Variants in PPP6R1 observed in about 807,000 individuals in gnomAD.
The protein encoded by PPP6R1 is protein phosphatase 6 regulatory subunit 1.
In PPP6R1, 39 loss-of-function variants were observed where a neutral mutation model predicts 104.6. The ratio of observed to expected loss-of-function variants is 0.37; its 90% CI spans 0.29 to 0.49. The LOEUF is 0.49. Among genes scored for constraint, PPP6R1 ranks in the 20% least tolerant of loss-of-function variants. The pLI, the probability that PPP6R1 is intolerant of heterozygous loss-of-function variation, is 0.98. For missense variants in PPP6R1, 1,181 were observed against 1,155.8 expected (o/e 1.02, Z -0.32); for synonymous variants, 549 against 479.0 (o/e 1.15, Z -1.91).
intron 1 of PPP6R1, among the ~76,000 whole-genome samples, chr19:55,252,962 CTA>C (rs2087565317): frequency 6.6e-6 from 1 of 152,224 alleles, no homozygotes; most frequent in Admixed American, 6.5e-5. Flanking sequence ...AGGCCTTGCA[CTA>C]TGTCCCAGCG....
intron 5 of PPP6R1, among the ~76,000 whole-genome samples, chr19:55,243,695 C>G (rs2087480510): frequency 6.6e-6 from 1 of 152,146 alleles, no homozygotes; most frequent in African/African-American, 2.4e-5. Flanking sequence ...TACATCACCC[C>G]AGGCTTGAGC....
At chr19:55,238,527 C>A (rs2087419684) in intron 15 of PPP6R1, among the ~76,000 whole-genome samples, 1 of 152,194 alleles carries the variant, frequency 6.6e-6, no homozygotes, top group Admixed American at 6.5e-5. Flanking sequence ...CAGAGTCTCG[C>A]TCTGTTGCCC....
In PPP6R1 at chr19:55,231,474, C is replaced by T. The variant is rs1399416582; in HGVS notation, c.2395G>A (p.Val799Ile). Residue 799 changes from valine to isoleucine, a missense_variant, in exon 21 of 24, where the codon GTT becomes ATT. This residue lies in a region of PPP6R1 where 1,042 missense variants were observed against 955.6 expected (regional missense o/e 1.09). Transcript: ENST00000412770. ...TEPSAPCQAL[V>I]SIGDLQATFH... Reference sequence around the variant, plus strand: ...GTGGCCTGAAGGTCCCCGATGCTAACCAAGGCCTGGCAAGGGGCTGTGGGG... The same window carrying T: ...GTGGCCTGAAGGTCCCCGATGCTAATCAAGGCCTGGCAAGGGGCTGTGGGG... The T allele has an allele frequency of 6.2e-7, 1 of 1,608,630 alleles. No homozygotes were observed. The highest frequency in any genetic ancestry group is 8.5e-7 in the Non-Finnish European group (1 of 1,177,912).
rs77373268 is a variant in PPP6R1 at position 55,247,144 on chromosome 19, C to T, written c.-6-35G>A. 4,534 of 1,595,744 alleles carry T rather than the reference C, an allele frequency of 2.8e-3. 100 individuals carry two copies. The African/African-American group carries it at 0.05, about 18-fold the overall frequency. ...TAGACACAACCAGCGCCGCGTCAGA[C>T]GCCCCAGGGAGTCCCCACTGGACGA... On this transcript the variant is annotated intron_variant, in intron 1 of 23. Transcript: ENST00000412770.
At chr19:55,255,325 G>A (rs2087584484) in intron 1 of PPP6R1, among the ~76,000 whole-genome samples, 2 of 152,142 alleles carry the variant, frequency 1.3e-5, no homozygotes, top group Admixed American at 6.6e-5. Context: ...ACCAATGAAC[G>A]GATTTGAAAT....
At chr19:55,244,422 T>C (rs532648172) in intron 5 of PPP6R1, among the ~76,000 whole-genome samples, 5 of 152,260 alleles carry the variant, frequency 3.3e-5, no homozygotes, top group Middle Eastern at 3.4e-3. Context: ...GTGAGGGCGC[T>C]TGAAAGCAAG....
rs538893560 is a variant in PPP6R1, at chr19:55,250,901, A to G, written c.-6-3792T>C. Among the ~76,000 whole-genome samples the G allele has an allele frequency of 5.5e-4, 83 of 152,246 alleles. 1 individual carries two copies. The highest frequency in any genetic ancestry group is 1.9e-3 in the African/African-American group (78 of 41,546). ...CAGCCATGCAGAGCTTGCTGAAGGG[A>G]AAATCAGAACCGCCCTCTCATCGGG... is the stretch of plus-strand genomic sequence containing the variant. On this transcript the variant is annotated intron_variant, in intron 1 of 23. Coordinates refer to ENST00000412770, the MANE Select transcript of PPP6R1 (RefSeq NM_014931.4).
chr19:55,229,601 T>C (rs908580618), downstream of PPP6R1: 1 of 152,202 alleles, frequency 6.6e-6, no homozygotes, highest in African/African-American at 2.4e-5. Context: ...GGGGTAGACC[T>C]GGCAGGAGCC....
At chr19:55,233,212 A>C (rs2087365645) in intron 17 of PPP6R1, 1 of 152,258 alleles carries the variant, frequency 6.6e-6, no homozygotes, top group Non-Finnish European at 1.5e-5. Flanking sequence ...TTAACAGAGT[A>C]ACTGACTACT....
At chr19:55,257,381 G>C (rs763402013) in intron 1 of PPP6R1, among the ~76,000 whole-genome samples, 11 of 152,198 alleles carry the variant, frequency 7.2e-5, no homozygotes, top group Non-Finnish European at 1.6e-4. Context: ...GAAACATCTT[G>C]CCTTTCAGGC....
rs777717878 is a variant in PPP6R1, at chr19:55,240,514, TACACACAC to T, written c.1297-222_1297-215del. Among the ~76,000 whole-genome samples, 468 of 136,022 alleles carry T rather than the reference TACACACAC, an allele frequency of 3.4e-3. 3 individuals are homozygous for T. The highest frequency in any genetic ancestry group is 8.9e-3 in the African/African-American group (341 of 38,162). 89.2% of individuals were successfully genotyped at this position (136,022 alleles called of 152,430 possible). ...TTTCTACAAAAGAATATGTGGTGCA[TACACACAC>T]ACACACACACACACACACACACACA... On this transcript the variant is annotated intron_variant, in intron 10 of 23. Coordinates refer to ENST00000412770, the MANE Select transcript of PPP6R1 (RefSeq NM_014931.4).
rs924928065 is a variant in PPP6R1, at chr19:55,230,642, G to A, written c.2613C>T (p.Ala871=). 4 of 1,610,454 alleles carry A rather than the reference G, an allele frequency of 2.5e-6. No homozygotes were observed. The highest frequency in any genetic ancestry group is 1.7e-4 in the Middle Eastern group (1 of 6,006). ...AGCCTGGGGATGCAGGCCCTTCCGG[G>A]GCAGAGCCATTGGGTATCGGAGGAG... The part of the protein sequence containing the change: ...LTPPPIPNGS[A]PEGPASPGSQ Residue 871 remains alanine (A), a synonymous_variant, in exon 23 of 24, where the codon GCC becomes GCT. Coordinates refer to ENST00000412770, the MANE Select transcript of PPP6R1 (RefSeq NM_014931.4).
chr19:55,230,598 T>C lies in PPP6R1; in HGVS notation c.2642+15A>G, dbSNP rs771342435. ...CAGCCCCACCTACCCAGCCCGAGGC[T>C]GCAGCCACACTCACTGGGAGCCTGG... On this transcript the variant is annotated intron_variant, in intron 23 of 23. Transcript: ENST00000412770. The C allele has an allele frequency of 2.5e-5, 40 of 1,612,462 alleles. No homozygotes were observed. The Admixed American group carries it at 6.7e-4, about 27-fold the overall frequency.
At chr19:55,237,516 G>A (rs1381757281) in intron 15 of PPP6R1, among the ~76,000 whole-genome samples, 1 of 152,146 alleles carries the variant, frequency 6.6e-6, no homozygotes, top group African/African-American at 2.4e-5. Context: ...CACCACGAGG[G>A]TCTAATGATC....
At position 55,252,619 on chromosome 19, in the gene PPP6R1, C is replaced by T. The variant is rs545579991; in HGVS notation, c.-6-5510G>A. Among the ~76,000 whole-genome samples, 6 of 152,222 alleles carry T rather than the reference C, an allele frequency of 3.9e-5. No homozygotes were observed. The South Asian group carries it at 1.2e-3, about 32-fold the overall frequency. On this transcript the variant is annotated intron_variant, in intron 1 of 23. Coordinates refer to ENST00000412770, the MANE Select transcript of PPP6R1 (RefSeq NM_014931.4). ...GTTTCACCATATTGGCCAGGCTGGT[C>T]TCGAACTACTGACCTTGTGATCCGC...
In PPP6R1 at chr19:55,245,266, T is replaced by A; in HGVS notation, c.551A>T (p.Asn184Ile). The change falls in exon 4 of 24, where the codon AAT (asparagine) becomes ATT (isoleucine). Residue 184 changes from asparagine (N) to isoleucine (I), a missense_variant and splice_region_variant. Transcript: ENST00000412770. The surrounding 1 kb of genome is among the most constrained non-coding windows in gnomAD (Gnocchi z 6.4). ...ERPQLRQDVV[N>I]WLNEEKIVQR... ...CCCAGAGGAGCCGGCCCTGCTCACA[T>A]TGACAACATCCTGCCTCAGCTGAGG... The A allele has an allele frequency of 1.9e-6, 3 of 1,581,668 alleles. No individual in the cohort carries two copies. Among genetic ancestry groups the A allele is most frequent in the Non-Finnish European group, 2.6e-6 (3 of 1,158,548 alleles).
At chr19:55,228,700 G>A (rs1600100334), downstream of PPP6R1, 2 of 1,613,142 alleles carry the variant, frequency 1.2e-6, no homozygotes, top group East Asian at 4.5e-5. Flanking sequence ...CCTGGGCTGA[G>A]CAGTGAGTCT....
At position 55,241,126 on chromosome 19, in the gene PPP6R1, G is replaced by T; in HGVS notation, c.1162-47C>A. 8.1e-7 allele frequency: 1 copy of T among 1,237,576 alleles called. No individual in the cohort carries two copies. 76.7% of individuals were successfully genotyped at this position (1,237,576 alleles called of 1,614,324 possible). ...GTACCAGAGAGGCCCCGCCCCAGCC[G>T]AGCCCCCAACCCCTGAGCCCCCAGC... On this transcript the variant is annotated intron_variant, in intron 9 of 23. Transcript: ENST00000412770. The surrounding 1 kb of genome is among the most constrained non-coding windows in gnomAD (Gnocchi z 5.4).
chr19:55,228,230 C>T (rs1350819808), downstream of PPP6R1: 4 of 1,612,184 alleles, frequency 2.5e-6, no homozygotes, highest in East Asian at 4.5e-5. Context: ...CAAGCGTCCC[C>T]CACAGCCGAG....
Sources: gnomAD v4.1 joint callset for allele counts (sites outside exome capture counted in the v4.1 genomes callset) on GRCh38, gnomAD v4.1.1 for gene constraint, gnomAD v4.1.1 regional missense constraint, Gnocchi (gnomAD v3.1) non-coding constraint, MANE v1.5 for transcripts, NCBI Gene and HGNC (gene_info 2026-07-23, HGNC 2026-07-21) for gene names.